The following AGAP1 variants were observed in gnomAD, a reference collection of about 807,000 sequenced individuals.
AGAP1 encodes the protein ArfGAP with GTPase domain, ankyrin repeat and PH domain 1.
In AGAP1, 29 loss-of-function variants were observed where a neutral mutation model predicts 105.3. That is an observed-to-expected ratio of 0.28 (90% CI 0.21 to 0.38). The LOEUF is 0.38. Ranked by LOEUF, AGAP1 falls within the 10% of genes least tolerant of loss-of-function variation. AGAP1 has a pLI of 1.00. For synonymous variants in AGAP1, 509 were observed against 485.9 expected (o/e 1.05, Z -0.63); for missense variants, 998 against 1,165.1 (o/e 0.86, Z 2.09).
chr2:235,540,869 G>A (rs1477294528), intron 1 of AGAP1, among the ~76,000 whole-genome samples: 2 of 152,134 alleles, frequency 1.3e-5, no homozygotes, highest in Non-Finnish European at 2.9e-5. Context: ...TATTTTGGGG[G>A]CATGGAATCA....
At chr2:235,809,925 T>C (rs1958041171) in intron 9 of AGAP1, among the ~76,000 whole-genome samples, 1 of 152,164 alleles carries the variant, frequency 6.6e-6, no homozygotes, top group African/African-American at 2.4e-5. Flanking sequence ...ATCCTCGACA[T>C]TGCCACAGTT....
At chr2:235,954,744 G>A (rs1040093067) in intron 12 of AGAP1, among the ~76,000 whole-genome samples, 9 of 151,416 alleles carry the variant, frequency 5.9e-5, no homozygotes, top group Non-Finnish European at 1.2e-4. Context: ...ATCCCTCCTC[G>A]TGGTCAATAT....
At chr2:235,629,267 A>AG (rs1559299850) in intron 1 of AGAP1, among the ~76,000 whole-genome samples, 4 of 116,694 alleles carry the variant, frequency 3.4e-5, no homozygotes, top group Non-Finnish European at 7.1e-5. Flanking sequence ...AGTAGTAGTC[A>AG]TTGTGTGTGT....
intron 13 of AGAP1, among the ~76,000 whole-genome samples, chr2:235,987,473 T>TC (rs1194623794): frequency 7.9e-5 from 12 of 151,376 alleles, no homozygotes; most frequent in Admixed American, 4.6e-4. Context: ...TTGATTTTTT[T>TC]CCCCCCCAAA....
In AGAP1 at chr2:235,517,932, C is replaced by CA. The variant is rs765981730; in HGVS notation, c.163+23098dup. Among the ~76,000 whole-genome samples the CA allele has an allele frequency of 7.0e-4, 15 of 21,444 alleles. No individual in the cohort carries two copies. The highest frequency in any genetic ancestry group is 1.1e-3 in the Non-Finnish European group (13 of 11,516). 14.1% of individuals were successfully genotyped at this position (21,444 alleles called of 152,430 possible). Reference sequence around the variant, plus strand: ...TGGGTGACAGAGTGAGACTCCGTTTCAAAAAAAAAAAAAAAGAAAAAAAAA... The same window carrying CA: ...TGGGTGACAGAGTGAGACTCCGTTTCAAAAAAAAAAAAAAAAGAAAAAAAAA... On this transcript the variant is annotated intron_variant, in intron 1 of 17. Coordinates refer to ENST00000304032, the MANE Select transcript of AGAP1 (RefSeq NM_001037131.3). This position sits in a 1 kb window ranked among gnomAD's most constrained non-coding sequence, Gnocchi z 4.1.
At chr2:236,065,332 A>G (rs528932066) in intron 16 of AGAP1, among the ~76,000 whole-genome samples, 10 of 152,120 alleles carry the variant, frequency 6.6e-5, no homozygotes, top group African/African-American at 1.4e-4. Flanking sequence ...TCGGGCCCCT[A>G]TTGTTGCTGC....
At chr2:235,980,240 G>A (rs138737553) in intron 13 of AGAP1, among the ~76,000 whole-genome samples, 5 of 152,282 alleles carry the variant, frequency 3.3e-5, no homozygotes, top group East Asian at 3.9e-4. Flanking sequence ...TCGAATAGTC[G>A]GAAACATTGA....
rs888418065 is a variant in AGAP1, at chr2:235,977,299, C to T, written c.1645+8676C>T. ...AAAATGTTTGAGCTCTGAGGCTTTTCGGATGTCATTTAAGTCTCGGTGAAA... is the reference window on the plus strand; with the variant it reads ...AAAATGTTTGAGCTCTGAGGCTTTTTGGATGTCATTTAAGTCTCGGTGAAA... On this transcript the variant is annotated intron_variant, in intron 13 of 17. Coordinates refer to ENST00000304032, the MANE Select transcript of AGAP1 (RefSeq NM_001037131.3). The surrounding 1 kb of genome is among the most constrained non-coding windows in gnomAD (Gnocchi z 5.2). Among the ~76,000 whole-genome samples, 5 of 151,826 alleles carry T rather than the reference C, an allele frequency of 3.3e-5. No individual in the cohort carries two copies. Among genetic ancestry groups the T allele is most frequent in the East Asian group, 1.9e-4 (1 of 5,174 alleles).
rs1388546629 is a variant in AGAP1, at chr2:235,577,843, T to C, written c.163+82994T>C. Among the ~76,000 whole-genome samples the C allele has an allele frequency of 6.6e-6, 1 of 152,068 alleles. No individual in the cohort carries two copies. Among genetic ancestry groups the C allele is most frequent in the Non-Finnish European group, 1.5e-5 (1 of 68,008 alleles). On this transcript the variant is annotated intron_variant, in intron 1 of 17. Transcript: ENST00000304032. The surrounding 1 kb of genome is among the most constrained non-coding windows in gnomAD (Gnocchi z 4.5). ...CAGCGCTGCACAAAAGGCCCATGTC[T>C]GCTCGCTGGGACCTGATAGTTCGCC...
At chr2:235,814,744 A>G (rs1167536112) in intron 9 of AGAP1, among the ~76,000 whole-genome samples, 8 of 152,168 alleles carry the variant, frequency 5.3e-5, no homozygotes, top group Non-Finnish European at 1.0e-4. Flanking sequence ...GGGACATACA[A>G]GTAGGTGGTG....
At chr2:235,628,078 C>G (rs1946701113) in intron 1 of AGAP1, among the ~76,000 whole-genome samples, 1 of 152,116 alleles carries the variant, frequency 6.6e-6, no homozygotes, top group South Asian at 2.1e-4. Context: ...GCAAGGTGGA[C>G]CTGCTTCCAG....
chr2:235,818,909 G>A (rs551174297), intron 9 of AGAP1, among the ~76,000 whole-genome samples: 4 of 152,202 alleles, frequency 2.6e-5, no homozygotes, highest in Admixed American at 2.6e-4. Flanking sequence ...CAAGCATCAA[G>A]TACACAGTGT....
Position 235,787,445 on chromosome 2 carries a change from C to T in AGAP1, c.674-10314C>T, listed in dbSNP as rs1253212653. 1.3e-5 allele frequency among the ~76,000 whole-genome samples: 2 copies of T among 152,228 alleles called. No homozygotes were observed. Among genetic ancestry groups the T allele is most frequent in the Admixed American group, 6.5e-5 (1 of 15,292 alleles). On this transcript the variant is annotated intron_variant, in intron 6 of 17. Transcript: ENST00000304032. The surrounding 1 kb of genome is among the most constrained non-coding windows in gnomAD (Gnocchi z 4.4). The stretch of plus-strand genomic sequence containing the variant: ...CATAGACACACGCCTCTCTTTATAG[C>T]ACTTTCTATATCCCACATGCTGCCA...
At chr2:235,880,248 G>T (rs1452071705) in intron 9 of AGAP1, among the ~76,000 whole-genome samples, 1 of 152,072 alleles carries the variant, frequency 6.6e-6, no homozygotes, top group Admixed American at 6.5e-5. Context: ...TTGAGGATGT[G>T]ATTTCCTCAC....
rs534162925 is a variant in AGAP1, at chr2:235,960,472, T to C, written c.1484-7990T>C. ...CTTCATCTCCCTGTTGGTCCCATTC[T>C]CTGGGGTGGCTGGAGGTGGCCTGGG... On this transcript the variant is annotated intron_variant, in intron 12 of 17. Transcript: ENST00000304032. The surrounding 1 kb of genome is among the most constrained non-coding windows in gnomAD (Gnocchi z 4.9). 1.3e-5 allele frequency among the ~76,000 whole-genome samples: 2 copies of C among 152,232 alleles called. No homozygotes were observed. Among genetic ancestry groups the C allele is most frequent in the Admixed American group, 1.3e-4 (2 of 15,290 alleles).
rs1946816647 is a variant in AGAP1, at chr2:235,631,114, G to C, written c.164-78065G>C. On this transcript the variant is annotated intron_variant, in intron 1 of 17. Transcript: ENST00000304032. This position sits in a 1 kb window ranked among gnomAD's most constrained non-coding sequence, Gnocchi z 5.4. ...TGCACTGGTAATGCCTGGATACCAG[G>C]GTTACACACTCAGGGAAAATCCACA... Among the ~76,000 whole-genome samples, 1 of 152,134 alleles carries C rather than the reference G, an allele frequency of 6.6e-6. No homozygotes were observed. Among genetic ancestry groups the C allele is most frequent in the Non-Finnish European group, 1.5e-5 (1 of 68,036 alleles).
intron 1 of AGAP1, among the ~76,000 whole-genome samples, chr2:235,652,900 G>C (rs1298029142): frequency 6.6e-6 from 1 of 151,910 alleles, no homozygotes; most frequent in African/African-American, 2.4e-5. Context: ...ATGGGGCAGG[G>C]TGTAGAGGTT....
chr2:235,840,075 G>C (rs1055923226), intron 9 of AGAP1, among the ~76,000 whole-genome samples: 4 of 152,240 alleles, frequency 2.6e-5, no homozygotes, highest in Non-Finnish European at 4.4e-5. Flanking sequence ...TTTGTAATCA[G>C]GTCATATTGT....
rs1191521366 is a variant in AGAP1, at chr2:235,659,571, G to T, written c.164-49608G>T. Among the ~76,000 whole-genome samples the T allele has an allele frequency of 6.6e-6, 1 of 152,174 alleles. No homozygotes were observed. The highest frequency in any genetic ancestry group is 2.4e-5 in the African/African-American group (1 of 41,446). ...GTGCCCTGCTCGGGGTCCCTTTGCA[G>T]CTCCCCTGAACGTGCCATTTGAAGC... On this transcript the variant is annotated intron_variant, in intron 1 of 17. Transcript: ENST00000304032. This position sits in a 1 kb window ranked among gnomAD's most constrained non-coding sequence, Gnocchi z 5.0.
Sources: gnomAD v4.1 joint callset for allele counts (sites outside exome capture counted in the v4.1 genomes callset) on GRCh38, gnomAD v4.1.1 for gene constraint, Gnocchi (gnomAD v3.1) non-coding constraint, MANE v1.5 for transcripts, NCBI Gene and HGNC (gene_info 2026-07-23, HGNC 2026-07-21) for gene names.